Variants in FKBP5 observed in about 807,000 individuals in gnomAD.
FKBP5 encodes peptidyl-prolyl cis-trans isomerase FKBP5.
FKBP5 carries 23 observed loss-of-function variants against 50.5 expected under a neutral mutation model. The observed-to-expected ratio is 0.46, with a 90% confidence interval of 0.33 to 0.65. FKBP5 has a LOEUF of 0.65. Ranked by LOEUF, FKBP5 falls within the 30% of genes least tolerant of loss-of-function variation. The pLI is 0.02. For missense variants in FKBP5, 411 were observed against 553.1 expected (o/e 0.74, Z 2.58); for synonymous variants, 176 against 190.6 (o/e 0.92, Z 0.63).
chr6:35,640,919 C>T (rs1219363913), intron 2 of FKBP5, among the ~76,000 whole-genome samples: 1 of 152,114 alleles, frequency 6.6e-6, no homozygotes, highest in Non-Finnish European at 1.5e-5. Context: ...GCTGCTGTCT[C>T]CTATAATAAC....
intron 5 of FKBP5, among the ~76,000 whole-genome samples, chr6:35,607,459 C>A (rs961469885): frequency 6.6e-6 from 1 of 152,128 alleles, no homozygotes; most frequent in Non-Finnish European, 1.5e-5. Flanking sequence ...CCACCTTGGC[C>A]TCCCAAAGTG....
intron 5 of FKBP5, among the ~76,000 whole-genome samples, chr6:35,611,026 C>T (rs1009891740): frequency 1.3e-5 from 2 of 152,186 alleles, no homozygotes; most frequent in African/African-American, 2.4e-5. Flanking sequence ...GGCTCCCTCA[C>T]ACCAGATGAC....
intron 5 of FKBP5, among the ~76,000 whole-genome samples, chr6:35,610,946 G>A (rs75879288): frequency 6.6e-4 from 101 of 152,274 alleles, no homozygotes; most frequent in African/African-American, 2.4e-3. Flanking sequence ...CTACTGCACT[G>A]GAGGTTTACT....
chr6:35,695,973 T>A (rs957668783), intron 2 of FKBP5, among the ~76,000 whole-genome samples: 8 of 150,924 alleles, frequency 5.3e-5, no homozygotes, highest in Admixed American at 6.6e-5. Context: ...TGAAACCCTG[T>A]CTCTACAGAA....
At chr6:35,584,123 G>A in intron 8 of FKBP5, 2 of 985,408 alleles carry the variant, frequency 2.0e-6, no homozygotes, top group Non-Finnish European at 2.4e-6. Flanking sequence ...AACACTGTCA[G>A]CTATGAGGGC....
intron 2 of FKBP5, 149 bp downstream of exon 2, chr6:35,642,571 T>TA: frequency 1.9e-6 from 1 of 521,504 alleles, no homozygotes. Flanking sequence ...ACCTTGAAGT[T>TA]ATGAAGACAA....
At chr6:35,701,523 G>A (rs9470082) in intron 2 of FKBP5, among the ~76,000 whole-genome samples, 6,186 of 151,910 alleles carry the variant, frequency 0.041, 335 homozygotes, top group African/African-American at 0.12. Context: ...GATTACAGGC[G>A]TGAGCCACCA....
chr6:35,589,909 C>T (rs932429877), intron 7 of FKBP5, among the ~76,000 whole-genome samples: 4 of 152,192 alleles, frequency 2.6e-5, no homozygotes, highest in Non-Finnish European at 5.9e-5. Context: ...CAGGCCTCCC[C>T]TCACTTTCTT....
rs1280325408 is a variant in FKBP5, at chr6:35,591,144, T to C, written c.742A>G (p.Lys248Glu). ...TATTTTCTCACCTTTTCGAAGCTCT[T>C]AAGTGTAACTTCATATATAAGCTCA... is the stretch of plus-strand genomic sequence containing the variant. ...NAELIYEVTLKSFEKAKESWE... is the reference protein window; with the variant it reads ...NAELIYEVTLESFEKAKESWE... The change falls in exon 7 of 11, where the codon AAG becomes GAG. Residue 248 changes from lysine to glutamate, a missense_variant. This residue lies in a region of FKBP5 where 267 missense variants were observed against 405.9 expected (regional missense o/e 0.66). Coordinates refer to ENST00000357266, the MANE Select transcript of FKBP5 (RefSeq NM_004117.4). The C allele has an allele frequency of 6.2e-7, 1 of 1,610,630 alleles. No individual in the cohort carries two copies. Among genetic ancestry groups the C allele is most frequent in the Non-Finnish European group, 8.5e-7 (1 of 1,178,268 alleles).
intron 8 of FKBP5, chr6:35,583,685 A>T (rs1762513454): frequency 1.1e-6 from 1 of 907,074 alleles, no homozygotes; most frequent in African/African-American, 1.8e-5. Flanking sequence ...GCTGCTAAAT[A>T]TTCTACAATG....
At chr6:35,628,622 C>T (rs1017129372) in intron 3 of FKBP5, among the ~76,000 whole-genome samples, 1 of 152,176 alleles carries the variant, frequency 6.6e-6, no homozygotes, top group Non-Finnish European at 1.5e-5. Context: ...TAAGAAAAAC[C>T]TCATATAACA....
At chr6:35,662,804 T>C (rs2151000094) in intron 1 of FKBP5, among the ~76,000 whole-genome samples, 1 of 152,322 alleles carries the variant, frequency 6.6e-6, no homozygotes, top group Admixed American at 6.5e-5. Flanking sequence ...AATTATACTA[T>C]GAATCCTACA....
chr6:35,646,076 A>G (rs1209892071), intron 1 of FKBP5, among the ~76,000 whole-genome samples: 1 of 152,226 alleles, frequency 6.6e-6, no homozygotes, highest in Non-Finnish European at 1.5e-5. Flanking sequence ...AGGTCATGCC[A>G]CTGCACTCTA....
At chr6:35,583,284 T>C in intron 8 of FKBP5, 3 of 985,372 alleles carry the variant, frequency 3.0e-6, no homozygotes, top group Non-Finnish European at 2.4e-6. Flanking sequence ...TATCTCCTAA[T>C]ATATTGTATA....
intron 3 of FKBP5, among the ~76,000 whole-genome samples, chr6:35,629,926 A>C (rs16879378): frequency 0.089 from 13,568 of 152,188 alleles, 1,333 homozygotes; most frequent in African/African-American, 0.25. Context: ...GCTTTCCTTA[A>C]AAATCTCCTG....
At chr6:35,609,842 G>A (rs948457783) in intron 5 of FKBP5, among the ~76,000 whole-genome samples, 5 of 152,040 alleles carry the variant, frequency 3.3e-5, no homozygotes, top group Non-Finnish European at 5.9e-5. Context: ...CCTTTTTCAG[G>A]GAAGTTGGCT....
upstream of FKBP5, among the ~76,000 whole-genome samples, chr6:35,691,014 AT>A (rs527464515): frequency 4.9e-3 from 744 of 152,192 alleles, 4 homozygotes; most frequent in Non-Finnish European, 7.4e-3. Context: ...CTCAAAAAAA[AT>A]AATAATAAAT....
intron 2 of FKBP5, among the ~76,000 whole-genome samples, chr6:35,719,509 A>G (rs1766568205): frequency 6.6e-6 from 1 of 152,234 alleles, no homozygotes; most frequent in Non-Finnish European, 1.5e-5. Context: ...TAGCATCTAA[A>G]AGATACACAT....
At chr6:35,608,597 G>A (rs1763401083) in intron 5 of FKBP5, among the ~76,000 whole-genome samples, 1 of 152,088 alleles carries the variant, frequency 6.6e-6, no homozygotes, top group Admixed American at 6.6e-5. Flanking sequence ...TGAGGTGGGA[G>A]GATGGCTTGA....
Sources: gnomAD v4.1 joint callset for allele counts (sites outside exome capture counted in the v4.1 genomes callset) on GRCh38, gnomAD v4.1.1 for gene constraint, gnomAD v4.1.1 regional missense constraint, MANE v1.5 for transcripts, NCBI Gene and HGNC (gene_info 2026-07-23, HGNC 2026-07-21) for gene names.